Variants in ZNF490 observed in about 807,000 individuals in gnomAD.
The protein encoded by ZNF490 is zinc finger protein 490.
In ZNF490, 11 loss-of-function variants were observed where a neutral mutation model predicts 17.7. That is an observed-to-expected ratio of 0.62 (90% CI 0.39 to 1.03). The LOEUF (loss-of-function observed/expected upper bound fraction) is 1.03. ZNF490 is among the 50% of genes least tolerant of loss of function. ZNF490 has a pLI of 0.00. For synonymous variants in ZNF490, 222 were observed against 216.1 expected (o/e 1.03, Z -0.24); for missense variants, 542 against 643.4 (o/e 0.84, Z 1.71).
At chr19:12,596,946 G>A (rs2022941635) in intron 2 of ZNF490, among the ~76,000 whole-genome samples, 1 of 152,162 alleles carries the variant, frequency 6.6e-6, no homozygotes, top group South Asian at 2.1e-4. Context: ...GGCTGGGGGC[G>A]CCCAGCTGCC....
chr19:12,581,673 T>C lies in ZNF490; in HGVS notation c.402A>G (p.Gly134=). The change falls in exon 5 of 5, where the codon GGA becomes GGG. Residue 134 remains glycine, a synonymous_variant. Transcript: ENST00000311437. The part of the protein sequence containing the change: ...LCENKEDCPC[G]KSTSQIPDLN... Reference sequence around the variant, plus strand: ...GATCAGGAATCTGGCTAGTGCTTTTTCCACATGGACAATCTTCTTTATTTT... The same window carrying C: ...GATCAGGAATCTGGCTAGTGCTTTTCCCACATGGACAATCTTCTTTATTTT... The C allele has an allele frequency of 1.2e-6, 2 of 1,614,046 alleles. No homozygotes were observed. The highest frequency in any genetic ancestry group is 1.3e-5 in the African/African-American group (1 of 75,036).
intron 2 of ZNF490, among the ~76,000 whole-genome samples, chr19:12,598,717 G>A (rs987806133): frequency 1.1e-4 from 17 of 151,334 alleles, no homozygotes; most frequent in Non-Finnish European, 1.6e-4. Context: ...TGCCGGGCGC[G>A]GTGGCTCATG....
At position 12,583,476 on chromosome 19, in the gene ZNF490, G is replaced by A. The variant is rs2022766850; in HGVS notation, c.243C>T (p.Ile81=). Residue 81 remains isoleucine (I), a synonymous_variant, in exon 3 of 5, where the codon ATC becomes ATT. Coordinates refer to ENST00000311437, the MANE Select transcript of ZNF490 (RefSeq NM_020714.3). ...WALLDPGQRN[I]YRDVMRATFK... ...AGGTTGCCCGCATCACATCTCTGTAGATATTCCTCTGGCCAGGATCCAGCA... is the reference window on the plus strand; with the variant it reads ...AGGTTGCCCGCATCACATCTCTGTAAATATTCCTCTGGCCAGGATCCAGCA... 6.8e-6 allele frequency: 11 copies of A among 1,607,284 alleles called. No individual in the cohort carries two copies. Among genetic ancestry groups the A allele is most frequent in the Non-Finnish European group, 9.4e-6 (11 of 1,175,650 alleles).
intron 2 of ZNF490, among the ~76,000 whole-genome samples, chr19:12,590,268 C>T (rs1223530868): frequency 4.0e-5 from 6 of 148,420 alleles, no homozygotes; most frequent in African/African-American, 1.5e-4. Context: ...GGCTGGAGTG[C>T]ACTGGTGCCA....
chr19:12,582,319 T>A (rs565084471), intron 4 of ZNF490, among the ~76,000 whole-genome samples: 1 of 152,090 alleles, frequency 6.6e-6, no homozygotes, highest in South Asian at 2.1e-4. Flanking sequence ...GTTGAACTCC[T>A]GGCCTCAAGC....
At chr19:12,585,975 G>C (rs1482506920) in intron 2 of ZNF490, among the ~76,000 whole-genome samples, 1 of 91,540 alleles carries the variant, frequency 1.1e-5, no homozygotes, top group East Asian at 2.2e-4. Flanking sequence ...ACAGGAATGA[G>C]TCACCACTCC....
intron 3 of ZNF490, 23 bp from the exon 4 acceptor site, chr19:12,582,933 T>G (rs779565453): frequency 2.4e-5 from 38 of 1,579,524 alleles, no homozygotes; most frequent in Non-Finnish European, 3.3e-5. Flanking sequence ...CCCAGAGAAC[T>G]CACAATAAAT....
rs2022639897 is a variant in ZNF490 at position 12,576,608 on chromosome 19, G to C, written c.*3877C>G. On this transcript the variant is annotated 3_prime_UTR_variant, in exon 5 of 5. Coordinates refer to ENST00000311437, the MANE Select transcript of ZNF490 (RefSeq NM_020714.3). ...AGGTGGGTGGATCACAAGGTCAGGAGATTGAGACCATCCTGGTCAACATGG... is the reference window on the plus strand; with the variant it reads ...AGGTGGGTGGATCACAAGGTCAGGACATTGAGACCATCCTGGTCAACATGG... 6.6e-6 allele frequency among the ~76,000 whole-genome samples: 1 copy of C among 151,566 alleles called. No homozygotes were observed. Among genetic ancestry groups the C allele is most frequent in the South Asian group, 2.1e-4 (1 of 4,830 alleles).
intron 2 of ZNF490, among the ~76,000 whole-genome samples, chr19:12,608,478 TA>T (rs59017176): frequency 6.6e-6 from 1 of 151,330 alleles, no homozygotes; most frequent in African/African-American, 2.4e-5. Context: ...TTTATTTATT[TA>T]TTTATTTTTG....
At chr19:12,598,500 G>C (rs55856594) in intron 2 of ZNF490, among the ~76,000 whole-genome samples, 1 of 150,144 alleles carries the variant, frequency 6.7e-6, no homozygotes, top group African/African-American at 2.4e-5. Context: ...TCAGCCTCCC[G>C]AGTAGCTGGA....
intron 2 of ZNF490, 138 bp from the exon 3 acceptor site, chr19:12,583,694 A>C: frequency 1.5e-6 from 1 of 667,318 alleles, no homozygotes; most frequent in Non-Finnish European, 2.1e-6. Flanking sequence ...AGAACTCTTG[A>C]CTCTTTCCAT....
chr19:12,599,601 CACTT>C (rs2022977377), intron 2 of ZNF490, among the ~76,000 whole-genome samples: 1 of 152,178 alleles, frequency 6.6e-6, no homozygotes. Flanking sequence ...TAATTAAAAT[CACTT>C]ACCAGGTTTT....
intron 2 of ZNF490, among the ~76,000 whole-genome samples, chr19:12,598,106 C>A (rs796116709): frequency 6.6e-6 from 1 of 151,862 alleles, no homozygotes; most frequent in South Asian, 2.1e-4. Flanking sequence ...CGCCTGTAAT[C>A]CCAGCTACTC....
intron 4 of ZNF490, among the ~76,000 whole-genome samples, chr19:12,581,928 T>C (rs1402077730): frequency 6.6e-6 from 1 of 152,170 alleles, no homozygotes; most frequent in African/African-American, 2.4e-5. Context: ...AAAAAAATTA[T>C]TATTATTATT....
In ZNF490 at chr19:12,576,304, G is replaced by A. The variant is rs954889009; in HGVS notation, c.*4181C>T. The stretch of plus-strand genomic sequence containing the variant: ...AGGCAGATCACAAGGTCAGGAGGGC[G>A]AGACCATCCTGGCCAACATGGTGAA... On this transcript the variant is annotated 3_prime_UTR_variant, in exon 5 of 5. Transcript: ENST00000311437. Among the ~76,000 whole-genome samples the A allele has an allele frequency of 7.2e-5, 11 of 151,980 alleles. No individual in the cohort carries two copies. In the South Asian group the frequency reaches 8.3e-4, roughly 11 times the overall value.
chr19:12,609,069 C>T (rs2023108511), intron 2 of ZNF490, 89 bp downstream of exon 2: 5 of 1,295,544 alleles, frequency 3.9e-6, no homozygotes, highest in South Asian at 2.5e-5. Flanking sequence ...CCGAAAGACC[C>T]CCCCACAAAG....
rs1010885818 is a variant in ZNF490 at position 12,601,788 on chromosome 19, C to T, written c.162+7370G>A. Among the ~76,000 whole-genome samples the T allele has an allele frequency of 5.3e-5, 8 of 151,686 alleles. No homozygotes were observed. The South Asian group carries it at 8.3e-4, about 16-fold the overall frequency. On this transcript the variant is annotated intron_variant, in intron 2 of 4. Transcript: ENST00000311437. ...CGGGCGGATCACGAGGTCAGGAGAT[C>T]GAGACCATCCTGGCTAACATGGTGA... is the stretch of plus-strand genomic sequence containing the variant.
rs879687555 is a variant in ZNF490, at chr19:12,584,760, T to C, written c.163-1204A>G. Among the ~76,000 whole-genome samples, 6 of 94,230 alleles carry C rather than the reference T, an allele frequency of 6.4e-5. 3 individuals carry two copies. The highest frequency in any genetic ancestry group is 2.0e-4 in the Admixed American group (2 of 10,080). The allele number at this position is 94,230 out of a possible 152,430, so 61.8% of individuals were successfully genotyped here. A position where few individuals can be genotyped will look rare whatever the true frequency, so the allele number is the denominator to read the frequency against. On this transcript the variant is annotated intron_variant, in intron 2 of 4. Coordinates refer to ENST00000311437, the MANE Select transcript of ZNF490 (RefSeq NM_020714.3). ...CAGGAAGTCTGTGAAAAGCCAGAAG[T>C]CACTGGCCATGTTGCCCTGAAGGAT...
chr19:12,583,797 A>C lies in ZNF490; in HGVS notation c.163-241T>G, dbSNP rs1393967689. 1.8e-3 allele frequency among the ~76,000 whole-genome samples: 187 copies of C among 103,348 alleles called. No individual in the cohort carries two copies. In the East Asian group the frequency reaches 0.021, roughly 11 times the overall value. The allele number at this position is 103,348 out of a possible 152,430, so 67.8% of individuals were successfully genotyped here. On this transcript the variant is annotated intron_variant, in intron 2 of 4. Coordinates refer to ENST00000311437, the MANE Select transcript of ZNF490 (RefSeq NM_020714.3). The stretch of plus-strand genomic sequence containing the variant: ...TCTCTCTCTCTCTCTCTCTCTATAT[A>C]TATATATATATATATTTTTTTTTTT...
Sources: gnomAD v4.1 joint callset for allele counts (sites outside exome capture counted in the v4.1 genomes callset) on GRCh38, gnomAD v4.1.1 for gene constraint, MANE v1.5 for transcripts, NCBI Gene and HGNC (gene_info 2026-07-23, HGNC 2026-07-21) for gene names.